The following NXPH2 variants were observed in gnomAD, a reference collection of about 807,000 sequenced individuals.
NXPH2 encodes neurexophilin 2, also known as neurexophilin-2.
NXPH2 carries 5 observed loss-of-function variants against 19.8 expected under a neutral mutation model. The observed-to-expected ratio is 0.25, with a 90% confidence interval of 0.13 to 0.53. The LOEUF (loss-of-function observed/expected upper bound fraction) is 0.53, where lower values mean the gene tolerates loss of function less well. NXPH2 is among the 20% of genes least tolerant of loss of function. The pLI is 0.96. For synonymous variants in NXPH2, 154 were observed against 127.4 expected, an observed-to-expected ratio of 1.21 and a Z score of -1.41; for missense variants, 289 against 322.8, an observed-to-expected ratio of 0.90 and a Z score of 0.80.
intron 1 of NXPH2, among the ~76,000 whole-genome samples, chr2:138,757,404 G>A (rs1681928884): frequency 1.3e-5 from 2 of 152,092 alleles, no homozygotes; most frequent in South Asian, 4.1e-4. Flanking sequence ...CTTCCCTTGG[G>A]TCCTCCTCCA....
intron 1 of NXPH2, among the ~76,000 whole-genome samples, chr2:138,673,395 A>G (rs1042253876): frequency 1.3e-5 from 2 of 152,108 alleles, no homozygotes; most frequent in African/African-American, 4.8e-5. Flanking sequence ...GGTATATAAT[A>G]TTTTACATAT....
intron 1 of NXPH2, among the ~76,000 whole-genome samples, chr2:138,771,057 C>T (rs1379967529): frequency 6.6e-6 from 1 of 152,034 alleles, no homozygotes; most frequent in Non-Finnish European, 1.5e-5. Context: ...TTGGTACAAT[C>T]ATTTCAGAAA....
intron 1 of NXPH2, among the ~76,000 whole-genome samples, chr2:138,708,821 G>T (rs977389298): frequency 6.6e-6 from 1 of 152,042 alleles, no homozygotes; most frequent in Non-Finnish European, 1.5e-5. Context: ...AGGGACATCG[G>T]GACTGAAAAC....
chr2:138,737,703 G>T (rs1484547599), intron 1 of NXPH2, among the ~76,000 whole-genome samples: 1 of 152,152 alleles, frequency 6.6e-6, no homozygotes, highest in Admixed American at 6.5e-5. Flanking sequence ...AGAGTTGGAT[G>T]CTCCCTCCAG....
chr2:138,757,941 C>A lies in NXPH2; in HGVS notation c.51+22250G>T, dbSNP rs145300597. Reference sequence around the variant, plus strand: ...TGAATTTTCTACCAAAGTCACGTTCCTGAGGGATGGGAATGCTGGCATGAA... The same window carrying A: ...TGAATTTTCTACCAAAGTCACGTTCATGAGGGATGGGAATGCTGGCATGAA... On this transcript the variant is annotated intron_variant, in intron 1 of 1. Coordinates refer to ENST00000272641, the MANE Select transcript of NXPH2 (RefSeq NM_007226.3). Among the ~76,000 whole-genome samples, 68 of 151,944 alleles carry A rather than the reference C, an allele frequency of 4.5e-4. 1 individual carries two copies. The highest frequency in any genetic ancestry group is 3.5e-3 in the Admixed American group (53 of 15,250).
chr2:138,718,909 A>G (rs1341210205), intron 1 of NXPH2, among the ~76,000 whole-genome samples: 2 of 152,186 alleles, frequency 1.3e-5, no homozygotes, highest in Non-Finnish European at 2.9e-5. Context: ...ACACAGTCTC[A>G]CTAGAGTGTA....
chr2:138,760,456 A>G (rs1293967673), intron 1 of NXPH2, among the ~76,000 whole-genome samples: 1 of 152,216 alleles, frequency 6.6e-6, no homozygotes, highest in Non-Finnish European at 1.5e-5. Flanking sequence ...AGAGAAAACC[A>G]TACCTCATCC....
rs1254223861 is a variant in NXPH2, at chr2:138,682,882, C to A, written c.52-11217G>T. On this transcript the variant is annotated intron_variant, in intron 1 of 1. Coordinates refer to ENST00000272641, the MANE Select transcript of NXPH2 (RefSeq NM_007226.3). Reference sequence around the variant, plus strand: ...CAGTACACACACACATGCATGCACGCATGCCTACACACTCTAGACACACAG... The same window carrying A: ...CAGTACACACACACATGCATGCACGAATGCCTACACACTCTAGACACACAG... 4.6e-5 allele frequency among the ~76,000 whole-genome samples: 7 copies of A among 152,322 alleles called. No individual in the cohort carries two copies. The East Asian group carries it at 9.6e-4, about 21-fold the overall frequency.
intron 1 of NXPH2, among the ~76,000 whole-genome samples, chr2:138,714,565 G>A (rs1036969234): frequency 6.6e-6 from 1 of 152,084 alleles, no homozygotes; most frequent in Non-Finnish European, 1.5e-5. Flanking sequence ...GAGACAGGAA[G>A]CAGGCAGACT....
At chr2:138,755,508 T>C (rs1284529059) in intron 1 of NXPH2, among the ~76,000 whole-genome samples, 4 of 152,138 alleles carry the variant, frequency 2.6e-5, no homozygotes, top group Non-Finnish European at 5.9e-5. Flanking sequence ...CTTAGTTCTC[T>C]TTTTTGCACC....
chr2:138,748,888 A>G (rs188929718), intron 1 of NXPH2, among the ~76,000 whole-genome samples: 2 of 152,310 alleles, frequency 1.3e-5, no homozygotes, highest in East Asian at 3.9e-4. Flanking sequence ...GGATGCTCTG[A>G]TTATATAATA....
rs1161772783 is a variant in NXPH2, at chr2:138,731,556, C to T, written c.51+48635G>A. On this transcript the variant is annotated intron_variant, in intron 1 of 1. Coordinates refer to ENST00000272641, the MANE Select transcript of NXPH2 (RefSeq NM_007226.3). ...TAATATAATGATTGGGCTAAAAATG[C>T]TAATCCCTTGGTAGGTAGGGCAGAG... Among the ~76,000 whole-genome samples the T allele has an allele frequency of 2.6e-5, 4 of 152,026 alleles. No homozygotes were observed. In the East Asian group the frequency reaches 7.7e-4, roughly 29 times the overall value.
chr2:138,740,146 ATGACCTGGCCACAGG>A (rs1317560910), intron 1 of NXPH2, among the ~76,000 whole-genome samples: 1 of 152,190 alleles, frequency 6.6e-6, no homozygotes, highest in Non-Finnish European at 1.5e-5. Context: ...AAGGCCACCA[ATGACCTGGCCACAGG>A]AGATCCTGAC....
chr2:138,745,283 G>A (rs1681707124), intron 1 of NXPH2, among the ~76,000 whole-genome samples: 1 of 152,166 alleles, frequency 6.6e-6, no homozygotes, highest in African/African-American at 2.4e-5. Context: ...TTAACAAATT[G>A]CTTTCTTAAG....
At chr2:138,739,314 A>G (rs564301765) in intron 1 of NXPH2, among the ~76,000 whole-genome samples, 1 of 152,358 alleles carries the variant, frequency 6.6e-6, no homozygotes, top group East Asian at 1.9e-4. Flanking sequence ...AAACCATCAG[A>G]CATATATAAA....
At chr2:138,747,032 A>G (rs1337844121) in intron 1 of NXPH2, among the ~76,000 whole-genome samples, 2 of 152,172 alleles carry the variant, frequency 1.3e-5, no homozygotes, top group Non-Finnish European at 2.9e-5. Context: ...CAAATACATT[A>G]TATTCCCCTC....
chr2:138,690,996 C>T (rs927747899), intron 1 of NXPH2, among the ~76,000 whole-genome samples: 4 of 152,126 alleles, frequency 2.6e-5, no homozygotes, highest in East Asian at 1.9e-4. Context: ...AGCCAGAGCT[C>T]GCCATCACAA....
At chr2:138,744,033 A>T (rs1052118247) in intron 1 of NXPH2, among the ~76,000 whole-genome samples, 3 of 148,914 alleles carry the variant, frequency 2.0e-5, no homozygotes, top group African/African-American at 7.3e-5. Context: ...GACAGAAGGT[A>T]TCCTGTTATT....
chr2:138,670,645 A>T lies in NXPH2; in HGVS notation c.*277T>A. 3.4e-6 allele frequency: 1 copy of T among 290,942 alleles called. No homozygotes were observed. The allele number at this position is 290,942 out of a possible 1,614,324, so 18.0% of individuals were successfully genotyped here. On this transcript the variant is annotated 3_prime_UTR_variant, in exon 2 of 2. Coordinates refer to ENST00000272641, the MANE Select transcript of NXPH2 (RefSeq NM_007226.3). ...TATTGCTATCATTGATGTTTCTTTC[A>T]GAGAAACAATAAGATTTCTAGAACT...
Sources: gnomAD v4.1 joint callset for allele counts (sites outside exome capture counted in the v4.1 genomes callset) on GRCh38, gnomAD v4.1.1 for gene constraint, MANE v1.5 for transcripts, NCBI Gene and HGNC (gene_info 2026-07-23, HGNC 2026-07-21) for gene names.